Variants in GSDME observed in about 807,000 individuals in gnomAD.
The protein encoded by GSDME is gasdermin E, also known as gasdermin-E.
A neutral mutation model predicts 47.5 loss-of-function variants in GSDME; 44 were observed. The observed-to-expected ratio is 0.93, with a 90% CI of 0.73 to 1.19. GSDME has a LOEUF of 1.19. Ranked by LOEUF, GSDME falls within the 50% of genes most tolerant of loss-of-function variation. The probability of loss-of-function intolerance (pLI) is 0.00; values close to 1 mark genes in which losing one functional copy is unlikely to be tolerated. For missense variants in GSDME, 663 were observed against 604.2 expected (o/e 1.10, Z -1.02); for synonymous variants, 258 against 252.8 (o/e 1.02, Z -0.20).
At chr7:24,737,178 G>A (rs1367131202) in intron 3 of GSDME, among the ~76,000 whole-genome samples, 1 of 151,946 alleles carries the variant, frequency 6.6e-6, no homozygotes, top group Non-Finnish European at 1.5e-5. Context: ...AAATTAAAAT[G>A]AGGAAAACAA....
the GSDME span, among the ~76,000 whole-genome samples, chr7:24,792,510 C>G: frequency 0.093 from 14,204 of 152,196 alleles, 844 homozygotes; most frequent in Non-Finnish European, 0.12. Flanking sequence ...CAAGGTATAA[C>G]AAGGCAAGCA....
At chr7:24,718,978 A>C in intron 4 of GSDME, 69 bp downstream of exon 4, 1 of 1,567,358 alleles carries the variant, frequency 6.4e-7, no homozygotes, top group South Asian at 1.1e-5. Flanking sequence ...GACACCACCC[A>C]AAGAGGCCCC....
rs1790043804 is a variant in GSDME at position 24,728,520 on chromosome 7, G to GC, written c.405-9303dup. 1.3e-5 allele frequency among the ~76,000 whole-genome samples: 2 copies of GC among 152,210 alleles called. No homozygotes were observed. The highest frequency in any genetic ancestry group is 2.4e-5 in the African/African-American group (1 of 41,450). On this transcript the variant is annotated intron_variant, in intron 3 of 9. Transcript: ENST00000645220. The surrounding 1 kb of genome is among the most constrained non-coding windows in gnomAD (Gnocchi z 7.2). Reference sequence around the variant, plus strand: ...AGGGGCTGGGTGAGAATGCAGCTCAGCACCATCCACCCTCGAAGCTCTGCG... The same window carrying GC: ...AGGGGCTGGGTGAGAATGCAGCTCAGCCACCATCCACCCTCGAAGCTCTGCG...
chr7:24,752,198 T>C (rs1420891498), intron 1 of GSDME, among the ~76,000 whole-genome samples: 4 of 152,118 alleles, frequency 2.6e-5, no homozygotes, highest in African/African-American at 4.8e-5. Context: ...CCAGGAGACA[T>C]TGTGTTGTAT....
chr7:24,710,396 G>A lies in GSDME; in HGVS notation c.698-8C>T, dbSNP rs1789306081. The A allele has an allele frequency of 6.2e-7, 1 of 1,614,142 alleles. No individual in the cohort carries two copies. Among genetic ancestry groups the A allele is most frequent in the South Asian group, 1.1e-5 (1 of 91,082 alleles). ...CTCGGAGAAGGCAGAACTCTGTAGT[G>A]CAGGAGAAAAGGACAAGTTAGGTAA... is the stretch of plus-strand genomic sequence containing the variant. On this transcript the variant is annotated splice_region_variant and splice_polypyrimidine_tract_variant and intron_variant, in intron 5 of 9. Coordinates refer to ENST00000645220, the MANE Select transcript of GSDME (RefSeq NM_001127453.2).
chr7:24,709,908 A>G (rs1462477946), intron 6 of GSDME, among the ~76,000 whole-genome samples: 1 of 151,918 alleles, frequency 6.6e-6, no homozygotes, highest in African/African-American at 2.4e-5. Flanking sequence ...TTAGTAGTCA[A>G]CAGGGCTTCT....
intron 3 of GSDME, among the ~76,000 whole-genome samples, chr7:24,741,742 C>A (rs140436342): frequency 6.6e-6 from 1 of 152,166 alleles, no homozygotes; most frequent in African/African-American, 2.4e-5. Flanking sequence ...GTATCAACAA[C>A]GCCTTATCAA....
Position 24,749,675 on chromosome 7 carries a change from G to C in GSDME, c.100C>G (p.Leu34Val). The change falls in exon 2 of 10, where the codon CTA becomes GTA. Residue 34 changes from leucine (L) to valine (V), a missense_variant. By Grantham distance (32) the Leu-to-Val change is conservative. Coordinates refer to ENST00000645220, the MANE Select transcript of GSDME (RefSeq NM_001127453.2). The stretch of plus-strand genomic sequence containing the variant: ...CTCTTCTTTTTTGTCACCAGACTTA[G>C]AAGCTGTAACTTATCAGAGTCATTC... The part of the protein sequence containing the change: ...NLNDSDKLQL[L>V]SLVTKKKRFW... The C allele has an allele frequency of 6.2e-7, 1 of 1,614,114 alleles. No individual in the cohort carries two copies. The highest frequency in any genetic ancestry group is 1.3e-5 in the African/African-American group (1 of 75,032).
At chr7:24,747,283 T>C (rs1219691527) in intron 2 of GSDME, among the ~76,000 whole-genome samples, 2 of 152,266 alleles carry the variant, frequency 1.3e-5, no homozygotes, top group Non-Finnish European at 2.9e-5. Flanking sequence ...TCAATTCATT[T>C]GCCTATTGTG....
chr7:24,750,140 G>C (rs931855355), intron 1 of GSDME, among the ~76,000 whole-genome samples: 1 of 152,152 alleles, frequency 6.6e-6, no homozygotes, highest in African/African-American at 2.4e-5. Flanking sequence ...CAGACTGAAG[G>C]GAAAGCCAGC....
chr7:24,762,621 C>T (rs1335262220), upstream of GSDME, among the ~76,000 whole-genome samples: 5 of 152,122 alleles, frequency 3.3e-5, no homozygotes, highest in South Asian at 4.2e-4. Context: ...AGGTGACCAA[C>T]GAGAATGTGC....
At chr7:24,770,342 T>C in the GSDME span, among the ~76,000 whole-genome samples, 1 of 152,224 alleles carries the variant, frequency 6.6e-6, no homozygotes, top group African/African-American at 2.4e-5. The surrounding 1 kb of genome is among the most constrained non-coding windows in gnomAD (Gnocchi z 4.6). Context: ...GCATCTCTTT[T>C]GTTTGACTGT....
the GSDME span, among the ~76,000 whole-genome samples, chr7:24,768,595 A>C: frequency 6.6e-6 from 1 of 152,222 alleles, no homozygotes; most frequent in Non-Finnish European, 1.5e-5. The surrounding 1 kb of genome is among the most constrained non-coding windows in gnomAD (Gnocchi z 5.6). Context: ...AGAGGTTCCC[A>C]AGTGGTACAG....
chr7:24,725,470 G>A lies in GSDME; in HGVS notation c.405-6252C>T, dbSNP rs1479042793. Among the ~76,000 whole-genome samples the A allele has an allele frequency of 1.3e-5, 2 of 152,272 alleles. No individual in the cohort carries two copies. Among genetic ancestry groups the A allele is most frequent in the East Asian group, 3.9e-4 (2 of 5,182 alleles). On this transcript the variant is annotated intron_variant, in intron 3 of 9. Coordinates refer to ENST00000645220, the MANE Select transcript of GSDME (RefSeq NM_001127453.2). This position sits in a 1 kb window ranked among gnomAD's most constrained non-coding sequence, Gnocchi z 5.1. Reference sequence around the variant, plus strand: ...ACTCCTCAGATACCAAGTTAAACAAGGAAGGGGTTTATTCGGCCGGGAGCG... The same window carrying A: ...ACTCCTCAGATACCAAGTTAAACAAAGAAGGGGTTTATTCGGCCGGGAGCG...
At chr7:24,760,447 TA>T (rs1162265045), upstream of GSDME, among the ~76,000 whole-genome samples, 5 of 152,214 alleles carry the variant, frequency 3.3e-5, no homozygotes, top group African/African-American at 1.2e-4. The surrounding 1 kb of genome is among the most constrained non-coding windows in gnomAD (Gnocchi z 4.2). Flanking sequence ...GCCTACCACT[TA>T]CCAGCTGAGT....
intron 4 of GSDME, among the ~76,000 whole-genome samples, chr7:24,718,323 G>A (rs774985571): frequency 1.2e-4 from 19 of 152,242 alleles, no homozygotes; most frequent in Non-Finnish European, 2.5e-4. Context: ...ATGGCAAGCT[G>A]GAGGAGAAAG....
Position 24,702,766 on chromosome 7 carries a change from G to GCA in GSDME, c.1249_1250dup (p.His418AlafsTer20). The GCA allele has an allele frequency of 6.2e-7, 1 of 1,612,970 alleles. No individual in the cohort carries two copies. The highest frequency in any genetic ancestry group is 8.5e-7 in the Non-Finnish European group (1 of 1,179,262). Reference sequence around the variant, plus strand: ...CACCTGGGAGGTTGCTTACCAAGTGGCACAGTGTGGGAATGATCTGGAGTT... The same window carrying GCA: ...CACCTGGGAGGTTGCTTACCAAGTGGCACACAGTGTGGGAATGATCTGGAGTT... On this transcript the variant is annotated frameshift_variant, in exon 9 of 10. Transcript: ENST00000645220. LOFTEE classifies it low-confidence loss of function (END_TRUNC).
intron 3 of GSDME, among the ~76,000 whole-genome samples, chr7:24,738,048 T>C (rs1283520681): frequency 6.6e-6 from 1 of 152,142 alleles, no homozygotes; most frequent in Non-Finnish European, 1.5e-5. Flanking sequence ...CTGAAAGCCT[T>C]TCCTCTAGGA....
At chr7:24,758,297 G>T (rs1167596219), upstream of GSDME, among the ~76,000 whole-genome samples, 1 of 152,232 alleles carries the variant, frequency 6.6e-6, no homozygotes, top group Admixed American at 6.5e-5. This position sits in a 1 kb window ranked among gnomAD's most constrained non-coding sequence, Gnocchi z 4.6. Flanking sequence ...ACCTGGGACT[G>T]GTTAGAAATG....
Sources: allele counts gnomAD v4.1 joint callset (sites outside exome capture counted in the v4.1 genomes callset), GRCh38; gene constraint gnomAD v4.1.1; non-coding constraint Gnocchi (gnomAD v3.1); transcripts MANE v1.5; gene names NCBI Gene and HGNC (gene_info 2026-07-23, HGNC 2026-07-21).